SCFD2: variants seen among roughly 807,000 people sequenced by gnomAD.
SCFD2 encodes the protein sec1 family domain containing 2.
A neutral mutation model predicts 58.9 loss-of-function variants in SCFD2; 54 were observed. The ratio of observed to expected loss-of-function variants is 0.92; its 90% CI spans 0.74 to 1.15. SCFD2 has a LOEUF of 1.15. Ranked by LOEUF, SCFD2 falls within the 50% of genes most tolerant of loss-of-function variation. The pLI is 0.00. For missense variants in SCFD2, 805 were observed against 836.6 expected, an observed-to-expected ratio of 0.96 and a Z score of 0.47; for synonymous variants, 321 against 335.9, an observed-to-expected ratio of 0.96 and a Z score of 0.49.
rs542821352 is a variant in SCFD2, at chr4:52,898,131, G to A, written c.1842+9326C>T. Among the ~76,000 whole-genome samples, 1,169 of 152,212 alleles carry A rather than the reference G, an allele frequency of 7.7e-3. 22 individuals are homozygous for A. Among genetic ancestry groups the A allele is most frequent in the African/African-American group, 0.026 (1,067 of 41,538 alleles). The stretch of plus-strand genomic sequence containing the variant: ...CCTGGATTCATTGATTTTTTGAAGG[G>A]TTTTTTGTGTCTCTATTTCCTTCAG... On this transcript the variant is annotated intron_variant, in intron 7 of 8. Coordinates refer to ENST00000401642, the MANE Select transcript of SCFD2 (RefSeq NM_152540.4).
At chr4:53,183,905 C>T (rs530037311) in intron 4 of SCFD2, among the ~76,000 whole-genome samples, 9 of 152,218 alleles carry the variant, frequency 5.9e-5, no homozygotes, top group Non-Finnish European at 1.0e-4. Flanking sequence ...ATCTGCATAA[C>T]AATGACACAC....
intron 3 of SCFD2, among the ~76,000 whole-genome samples, chr4:53,275,584 G>A (rs1731303117): frequency 6.6e-6 from 1 of 152,170 alleles, no homozygotes; most frequent in African/African-American, 2.4e-5. Flanking sequence ...TTTGACAAAT[G>A]GATATGGTTG....
chr4:53,234,051 A>G (rs1223407456), intron 4 of SCFD2, among the ~76,000 whole-genome samples: 1 of 152,222 alleles, frequency 6.6e-6, no homozygotes, highest in Non-Finnish European at 1.5e-5. Flanking sequence ...ATACTAGAAA[A>G]GCAGGACTCA....
At chr4:52,995,935 G>A (rs1721732034) in intron 5 of SCFD2, among the ~76,000 whole-genome samples, 1 of 152,176 alleles carries the variant, frequency 6.6e-6, no homozygotes, top group South Asian at 2.1e-4. Flanking sequence ...GTGGCAAAGA[G>A]GAAGACTGGT....
chr4:53,306,967 C>T lies in SCFD2; in HGVS notation c.1135+6669G>A, dbSNP rs144359656. Among the ~76,000 whole-genome samples the T allele has an allele frequency of 4.9e-4, 74 of 152,294 alleles. 1 individual carries two copies. The East Asian group carries it at 0.014, about 28-fold the overall frequency. Reference sequence around the variant, plus strand: ...GTCTTGGCAGGAAAAAGATGGCACGCCAACTGCATCCTGGCAGGAAGAAGC... The same window carrying T: ...GTCTTGGCAGGAAAAAGATGGCACGTCAACTGCATCCTGGCAGGAAGAAGC... On this transcript the variant is annotated intron_variant, in intron 3 of 8. Transcript: ENST00000401642.
chr4:53,141,013 T>C (rs565883024), intron 5 of SCFD2, among the ~76,000 whole-genome samples: 12 of 152,332 alleles, frequency 7.9e-5, no homozygotes, highest in Non-Finnish European at 1.0e-4. Flanking sequence ...TAATCCTTAA[T>C]GTTGAAATCC....
At chr4:53,038,865 T>G (rs1044901458) in intron 5 of SCFD2, among the ~76,000 whole-genome samples, 2 of 152,058 alleles carry the variant, frequency 1.3e-5, no homozygotes, top group African/African-American at 4.8e-5. Context: ...ATTATTTTTT[T>G]TCTTTCAGAG....
At chr4:52,929,282 T>C (rs1349514896) in intron 5 of SCFD2, among the ~76,000 whole-genome samples, 1 of 152,162 alleles carries the variant, frequency 6.6e-6, no homozygotes, top group Non-Finnish European at 1.5e-5. Context: ...GGGTGTTTAT[T>C]ATATAAGTAT....
At chr4:53,117,916 A>G (rs1250836216) in intron 5 of SCFD2, among the ~76,000 whole-genome samples, 1 of 152,238 alleles carries the variant, frequency 6.6e-6, no homozygotes, top group East Asian at 1.9e-4. Flanking sequence ...TAAATAAAAC[A>G]TAAAGACAAG....
intron 3 of SCFD2, among the ~76,000 whole-genome samples, chr4:53,281,578 C>A (rs940543443): frequency 6.6e-6 from 1 of 152,134 alleles, no homozygotes; most frequent in Non-Finnish European, 1.5e-5. Context: ...GTGCAAAAGA[C>A]TCAAGAGGCT....
intron 8 of SCFD2, among the ~76,000 whole-genome samples, chr4:52,882,848 CCTGA>C (rs1464086978): frequency 2.0e-5 from 3 of 152,098 alleles, no homozygotes; most frequent in African/African-American, 7.2e-5. Flanking sequence ...TCTAGAGAAC[CCTGA>C]CTAATACACC....
chr4:53,040,179 T>C (rs1333813089), intron 5 of SCFD2, among the ~76,000 whole-genome samples: 1 of 152,136 alleles, frequency 6.6e-6, no homozygotes, highest in Non-Finnish European at 1.5e-5. Flanking sequence ...AGACCTCCTG[T>C]TTTTGTTTAG....
intron 3 of SCFD2, among the ~76,000 whole-genome samples, chr4:53,307,497 T>A (rs1732553067): frequency 1.3e-5 from 2 of 152,200 alleles, no homozygotes; most frequent in Admixed American, 6.5e-5. Context: ...TTACTTGCTA[T>A]GTAACCCATC....
At chr4:52,973,630 A>G (rs1478240898) in intron 5 of SCFD2, among the ~76,000 whole-genome samples, 1 of 152,230 alleles carries the variant, frequency 6.6e-6, no homozygotes, top group Admixed American at 6.5e-5. Flanking sequence ...AACTATTCCA[A>G]TCAACAGAAA....
intron 4 of SCFD2, among the ~76,000 whole-genome samples, chr4:53,237,682 C>T (rs1729688573): frequency 4.5e-5 from 6 of 133,080 alleles, no homozygotes; most frequent in Admixed American, 3.6e-4. Context: ...GGCGGCTGGC[C>T]GGGCAGAGGG....
Position 52,895,400 on chromosome 4 carries a change from C to A in SCFD2, c.1843-9534G>T, listed in dbSNP as rs532600328. ...TGTGTTCTCATTGTTCAATTCCCAC[C>A]TATGAGTGAGAACATGCGGTGTTTG... On this transcript the variant is annotated intron_variant, in intron 7 of 8. Transcript: ENST00000401642. Among the ~76,000 whole-genome samples, 403 of 152,206 alleles carry A rather than the reference C, an allele frequency of 2.6e-3. 3 individuals carry two copies. Among genetic ancestry groups the A allele is most frequent in the Non-Finnish European group, 3.5e-3 (240 of 68,014 alleles).
intron 3 of SCFD2, among the ~76,000 whole-genome samples, chr4:53,278,986 C>G (rs1228483526): frequency 6.6e-6 from 1 of 151,212 alleles, no homozygotes; most frequent in Non-Finnish European, 1.5e-5. Context: ...ATCAAAAATG[C>G]TGCAGTAAGA....
intron 4 of SCFD2, among the ~76,000 whole-genome samples, chr4:53,267,952 C>A (rs1447778875): frequency 6.6e-6 from 1 of 152,154 alleles, no homozygotes; most frequent in South Asian, 2.1e-4. Flanking sequence ...AGGAGAAAAT[C>A]TCTGTATAGT....
intron 5 of SCFD2, among the ~76,000 whole-genome samples, chr4:53,111,084 G>T (rs1445305300): frequency 1.3e-5 from 2 of 151,962 alleles, no homozygotes; most frequent in Non-Finnish European, 2.9e-5. Context: ...ACTAACACAG[G>T]AACAGAAAAA....
Sources: gnomAD v4.1 joint callset for allele counts (sites outside exome capture counted in the v4.1 genomes callset) on GRCh38, gnomAD v4.1.1 for gene constraint, MANE v1.5 for transcripts, NCBI Gene and HGNC (gene_info 2026-07-23, HGNC 2026-07-21) for gene names.